The following TAOK1 variants were observed in gnomAD, a reference collection of about 807,000 sequenced individuals.
The protein encoded by TAOK1 is serine/threonine-protein kinase TAO1.
TAOK1 carries 21 observed loss-of-function variants against 138.3 expected under a neutral mutation model. The ratio of observed to expected loss-of-function variants is 0.15; its 90% confidence interval spans 0.11 to 0.22. The LOEUF is 0.22. Among genes scored for constraint, TAOK1 ranks in the 10% least tolerant of loss-of-function variants. TAOK1 has a pLI of 1.00. For synonymous variants in TAOK1, 361 were observed against 398.4 expected (o/e 0.91, Z 1.12); for missense variants, 651 against 1,227.7 (o/e 0.53, Z 7.02).
At chr17:29,415,504 A>G (rs1433151515) in intron 1 of TAOK1, among the ~76,000 whole-genome samples, 2 of 152,252 alleles carry the variant, frequency 1.3e-5, no homozygotes, top group Non-Finnish European at 2.9e-5. Context: ...CTCTCCAACA[A>G]TTATTTCCCG....
At chr17:29,493,462 C>A (rs1424543768) in intron 10 of TAOK1, among the ~76,000 whole-genome samples, 1 of 151,560 alleles carries the variant, frequency 6.6e-6, no homozygotes, top group African/African-American at 2.4e-5. Flanking sequence ...CCATTGCACT[C>A]CAGCCTGGGC....
intron 1 of TAOK1, among the ~76,000 whole-genome samples, chr17:29,396,101 A>G (rs1436874777): frequency 6.6e-6 from 1 of 152,152 alleles, no homozygotes; most frequent in African/African-American, 2.4e-5. Context: ...AGTAATAAAA[A>G]TTGATGTTTA....
intron 1 of TAOK1, among the ~76,000 whole-genome samples, chr17:29,394,157 T>TTTTTG (rs1904517171): frequency 1.9e-5 from 2 of 104,202 alleles, no homozygotes; most frequent in Non-Finnish European, 3.7e-5. Flanking sequence ...CCAGTTTTTT[T>TTTTTG]TTTTTTTTTT....
intron 8 of TAOK1, among the ~76,000 whole-genome samples, chr17:29,486,731 T>TA (rs1229177996): frequency 2.0e-5 from 3 of 152,214 alleles, no homozygotes; most frequent in African/African-American, 7.2e-5. Flanking sequence ...TGTTCTTTGA[T>TA]AAAATTGAGA....
In TAOK1 at chr17:29,509,914, C is replaced by T. The variant is rs1404319585; in HGVS notation, c.1576-950C>T. On this transcript the variant is annotated intron_variant, in intron 14 of 19. Transcript: ENST00000261716. ...TAACATATTTTTTGAGACAGGCACTCGCCCTGTTACCCAGCTGGTCTTGAA... is the reference window on the plus strand; with the variant it reads ...TAACATATTTTTTGAGACAGGCACTTGCCCTGTTACCCAGCTGGTCTTGAA... Among the ~76,000 whole-genome samples the T allele has an allele frequency of 2.6e-5, 4 of 151,234 alleles. No homozygotes were observed. The South Asian group carries it at 6.3e-4, about 24-fold the overall frequency.
At chr17:29,428,217 C>T (rs1905708310) in intron 1 of TAOK1, among the ~76,000 whole-genome samples, 1 of 152,126 alleles carries the variant, frequency 6.6e-6, no homozygotes, top group Non-Finnish European at 1.5e-5. Context: ...AAGACCATTA[C>T]TAAAACATCC....
chr17:29,439,803 C>T (rs1314510468), intron 1 of TAOK1, among the ~76,000 whole-genome samples: 3 of 146,046 alleles, frequency 2.1e-5, no homozygotes, highest in Non-Finnish European at 3.0e-5. Flanking sequence ...GCAGGAGAAT[C>T]TCTTGAGCCC....
intron 1 of TAOK1, 21 bp from the exon 2 acceptor site, chr17:29,451,434 T>G: frequency 7.5e-7 from 1 of 1,339,724 alleles, no homozygotes; most frequent in East Asian, 2.5e-5. Flanking sequence ...TTTCTGACTT[T>G]TTTTTTCTAT....
chr17:29,422,654 G>A (rs1338467937), intron 1 of TAOK1, among the ~76,000 whole-genome samples: 3 of 152,142 alleles, frequency 2.0e-5, no homozygotes, highest in Non-Finnish European at 4.4e-5. Context: ...GTCTGTAGTG[G>A]TATCACCTCT....
intron 3 of TAOK1, among the ~76,000 whole-genome samples, chr17:29,468,135 A>ATTCTTTTTTTTTTTTTTTTTTTTTTTTTT (rs2030720912): frequency 1.3e-5 from 1 of 76,058 alleles, no homozygotes; most frequent in East Asian, 6.7e-4. Flanking sequence ...CCTGCTTTCA[A>ATTCTTTTTTTTTTTTTTTTTTTTTTTTTT]TTTTTTTTTT....
chr17:29,432,411 G>A (rs1905871098), intron 1 of TAOK1, among the ~76,000 whole-genome samples: 2 of 152,312 alleles, frequency 1.3e-5, no homozygotes, highest in South Asian at 4.1e-4. Flanking sequence ...ACAACCTTCG[G>A]CGTGGGCATC....
chr17:29,407,667 GA>G (rs1905031660), intron 1 of TAOK1, among the ~76,000 whole-genome samples: 1 of 151,528 alleles, frequency 6.6e-6, no homozygotes, highest in Non-Finnish European at 1.5e-5. Context: ...GGCTGGTCTC[GA>G]ACTCCTGGGC....
At chr17:29,521,124 T>C (rs2031907925) in intron 16 of TAOK1, among the ~76,000 whole-genome samples, 2 of 152,184 alleles carry the variant, frequency 1.3e-5, no homozygotes, top group Non-Finnish European at 2.9e-5. Flanking sequence ...ACATATATTG[T>C]TGTTCAGTTT....
At chr17:29,435,938 G>A (rs1477749229) in intron 1 of TAOK1, among the ~76,000 whole-genome samples, 1 of 152,178 alleles carries the variant, frequency 6.6e-6, no homozygotes, top group Non-Finnish European at 1.5e-5. Context: ...AGACCAGCCT[G>A]GCCAACATGG....
rs1383836470 is a variant in TAOK1, at chr17:29,390,641, C to A, written c.-478C>A. On this transcript the variant is annotated 5_prime_UTR_variant, in exon 1 of 20. Transcript: ENST00000261716. The stretch of plus-strand genomic sequence containing the variant: ...TTGGTGGCGGAGGGCTGCGCGTGGG[C>A]CCGCCCGCCGAGGGGCCGCGGCGGG... 6.6e-6 allele frequency: 1 copy of A among 152,076 alleles called. No homozygotes were observed. Among genetic ancestry groups the A allele is most frequent in the African/African-American group, 2.4e-5 (1 of 41,346 alleles). The allele number at this position is 152,076 out of a possible 1,614,324, so 9.4% of individuals were successfully genotyped here.
chr17:29,458,389 T>C (rs962943459), intron 2 of TAOK1, among the ~76,000 whole-genome samples: 4 of 152,372 alleles, frequency 2.6e-5, no homozygotes, highest in Non-Finnish European at 5.9e-5. Flanking sequence ...ATCAGCAGTG[T>C]ATGAGAATTT....
At chr17:29,452,002 G>A (rs117032306) in intron 2 of TAOK1, among the ~76,000 whole-genome samples, 3,412 of 152,168 alleles carry the variant, frequency 0.022, 60 homozygotes, top group Non-Finnish European at 0.036. Flanking sequence ...GATTGCTTGA[G>A]TCCAGCAGTT....
rs754756897 is a variant in TAOK1, at chr17:29,502,736, C to A, written c.1338+13C>A. On this transcript the variant is annotated intron_variant, in intron 13 of 19. Coordinates refer to ENST00000261716, the MANE Select transcript of TAOK1 (RefSeq NM_020791.4). ...GACAGCATCACTGGTATGTACTTACCCGAATTAGAGATAAATATATTTTTC... is the reference window on the plus strand; with the variant it reads ...GACAGCATCACTGGTATGTACTTACACGAATTAGAGATAAATATATTTTTC... 1 of 1,604,384 alleles carries A rather than the reference C, an allele frequency of 6.2e-7. No homozygotes were observed. The highest frequency in any genetic ancestry group is 1.1e-5 in the South Asian group (1 of 88,404).
Position 29,498,371 on chromosome 17 carries a change from T to C in TAOK1, c.1053T>C (p.Asn351=). 6.2e-7 allele frequency: 1 copy of C among 1,614,174 alleles called. No individual in the cohort carries two copies. Among genetic ancestry groups the C allele is most frequent in the South Asian group, 1.1e-5 (1 of 91,082 alleles). Residue 351 remains asparagine (N), a synonymous_variant, in exon 12 of 20, where the codon AAT becomes AAC. Coordinates refer to ENST00000261716, the MANE Select transcript of TAOK1 (RefSeq NM_020791.4). The stretch of plus-strand genomic sequence containing the variant: ...GAACAGTTAATAGTGTTGGAAGTAA[T>C]CAATCCATTCCCAGCATGTCCATCA... ...RTGTVNSVGS[N]QSIPSMSISA...
Sources: gnomAD v4.1 joint callset for allele counts (sites outside exome capture counted in the v4.1 genomes callset) on GRCh38, gnomAD v4.1.1 for gene constraint, MANE v1.5 for transcripts, NCBI Gene and HGNC (gene_info 2026-07-23, HGNC 2026-07-21) for gene names.